Variants in CPNE4 observed in about 807,000 individuals in gnomAD.
The protein encoded by CPNE4 is copine 4, also known as copine-4.
In CPNE4, 25 loss-of-function variants were observed where a neutral mutation model predicts 67.9. The observed-to-expected ratio is 0.37, with a 90% CI of 0.27 to 0.51. The LOEUF is 0.51. Ranked by LOEUF, CPNE4 falls within the 20% of genes least tolerant of loss-of-function variation. The pLI is 0.93. For missense variants in CPNE4, 464 were observed against 690.8 expected, an observed-to-expected ratio of 0.67 and a Z score of 3.68; for synonymous variants, 242 against 244.9, an observed-to-expected ratio of 0.99 and a Z score of 0.11.
chr3:131,979,378 C>T (rs529105722), intron 1 of CPNE4, among the ~76,000 whole-genome samples: 1 of 152,254 alleles, frequency 6.6e-6, no homozygotes, highest in African/African-American at 2.4e-5. Context: ...GTGTTAGGTG[C>T]ATATCTGTTT....
chr3:131,658,553 G>C (rs537322503), intron 7 of CPNE4, among the ~76,000 whole-genome samples: 16 of 152,150 alleles, frequency 1.1e-4, no homozygotes, highest in Non-Finnish European at 1.8e-4. Flanking sequence ...GCTCTTTCTT[G>C]ATATTTGTTT....
chr3:131,851,378 G>A (rs2086236637), intron 2 of CPNE4, among the ~76,000 whole-genome samples: 1 of 151,998 alleles, frequency 6.6e-6, no homozygotes, highest in African/African-American at 2.4e-5. Flanking sequence ...CTTAGCACCA[G>A]CTGTGTAACA....
intron 2 of CPNE4, among the ~76,000 whole-genome samples, chr3:131,801,402 A>ATG (rs71622077): frequency 0.013 from 1,493 of 113,872 alleles, 34 homozygotes; most frequent in East Asian, 0.037. Flanking sequence ...ATATATATAT[A>ATG]GGTACATATA....
At chr3:131,733,711 A>T (rs1410932917) in intron 2 of CPNE4, among the ~76,000 whole-genome samples, 1 of 152,244 alleles carries the variant, frequency 6.6e-6, no homozygotes, top group Non-Finnish European at 1.5e-5. Context: ...TAGGAGTCTA[A>T]TCCCACACAA....
At chr3:131,643,720 A>G (rs7434246) in intron 7 of CPNE4, among the ~76,000 whole-genome samples, 22,627 of 152,020 alleles carry the variant, frequency 0.15, 2,054 homozygotes, top group African/African-American at 0.25. Context: ...CTGGTGGGAG[A>G]TAATTGAATC....
chr3:131,674,106 T>G (rs919674266), intron 6 of CPNE4, among the ~76,000 whole-genome samples: 1 of 152,136 alleles, frequency 6.6e-6, no homozygotes, highest in African/African-American at 2.4e-5. Flanking sequence ...GTTGGTATGA[T>G]GTATCACATT....
chr3:131,696,394 G>T, intron 5 of CPNE4, 148 bp downstream of exon 5: 1 of 655,142 alleles, frequency 1.5e-6, no homozygotes, highest in Non-Finnish European at 2.7e-6. Flanking sequence ...TTAATGTGGG[G>T]GAAAGTTTAC....
intron 2 of CPNE4, among the ~76,000 whole-genome samples, chr3:131,829,999 T>C (rs1318195017): frequency 2.6e-5 from 4 of 152,192 alleles, no homozygotes; most frequent in African/African-American, 9.6e-5. Flanking sequence ...TGGTCATAAT[T>C]CGGATCTACC....
At chr3:131,563,640 T>A (rs557741229) in intron 11 of CPNE4, among the ~76,000 whole-genome samples, 1 of 152,160 alleles carries the variant, frequency 6.6e-6, no homozygotes, top group East Asian at 1.9e-4. Context: ...CCAATAGCTT[T>A]TGAGGTCAGT....
rs189773648 is a variant in CPNE4, at chr3:132,019,831, T to G, written c.-2+14736A>C. 6.2e-3 allele frequency among the ~76,000 whole-genome samples: 948 copies of G among 152,282 alleles called. 8 individuals carry two copies. Among genetic ancestry groups the G allele is most frequent in the African/African-American group, 0.022 (916 of 41,560 alleles). ...GTCTAAAAAGGAACAAAGGCTGCCC[T>G]TCAGCCAAGAGGACCAGATAAAGTC... On this transcript the variant is annotated intron_variant, in intron 1 of 15. Transcript: ENST00000429747.
intron 2 of CPNE4, among the ~76,000 whole-genome samples, chr3:131,882,319 A>G (rs1026985739): frequency 1.3e-5 from 2 of 152,220 alleles, no homozygotes; most frequent in African/African-American, 2.4e-5. Context: ...TACAAATGCA[A>G]TTAGAATCAT....
chr3:131,936,664 TACAG>T (rs1325710253), intron 1 of CPNE4, among the ~76,000 whole-genome samples: 6 of 151,308 alleles, frequency 4.0e-5, no homozygotes, highest in African/African-American at 7.3e-5. Context: ...AAAAAAATCT[TACAG>T]ACAAAGCATA....
chr3:131,616,204 TA>T (rs1940149707), intron 7 of CPNE4, among the ~76,000 whole-genome samples: 1 of 152,068 alleles, frequency 6.6e-6, no homozygotes, highest in African/African-American at 2.4e-5. Flanking sequence ...AGAAAAAGAA[TA>T]AAGCAGTTAG....
chr3:131,546,872 T>C (rs982529345), intron 14 of CPNE4, among the ~76,000 whole-genome samples: 1 of 152,160 alleles, frequency 6.6e-6, no homozygotes, highest in Non-Finnish European at 1.5e-5. Flanking sequence ...AATGGACAAG[T>C]TTCTGACTCT....
intron 1 of CPNE4, among the ~76,000 whole-genome samples, chr3:131,928,836 C>T (rs1035287646): frequency 2.6e-5 from 4 of 152,114 alleles, no homozygotes; most frequent in South Asian, 2.1e-4. Context: ...ACACCTTTGT[C>T]GGGACATGAA....
At chr3:131,946,616 TGA>T (rs2071559602) in intron 1 of CPNE4, among the ~76,000 whole-genome samples, 1 of 152,204 alleles carries the variant, frequency 6.6e-6, no homozygotes, top group African/African-American at 2.4e-5. Context: ...TGTTGAGTTG[TGA>T]GAGTTCTTTA....
intron 2 of CPNE4, among the ~76,000 whole-genome samples, chr3:131,853,730 T>C (rs1197805449): frequency 1.3e-5 from 2 of 151,812 alleles, no homozygotes; most frequent in Non-Finnish European, 2.9e-5. Flanking sequence ...AACTTATGGT[T>C]GAAGATGTGA....
At chr3:131,605,769 T>C (rs1290948084) in intron 7 of CPNE4, among the ~76,000 whole-genome samples, 4 of 151,470 alleles carry the variant, frequency 2.6e-5, no homozygotes, top group Non-Finnish European at 4.4e-5. Context: ...GATGTTGGAG[T>C]TGAGGGAGAA....
At chr3:132,035,600 CTT>C (rs1345337018), upstream of CPNE4, among the ~76,000 whole-genome samples, 5 of 152,130 alleles carry the variant, frequency 3.3e-5, no homozygotes, top group African/African-American at 1.2e-4. Flanking sequence ...AATATGCTGT[CTT>C]ATGTAAGGGG....
Sources: gnomAD v4.1 joint callset for allele counts (sites outside exome capture counted in the v4.1 genomes callset) on GRCh38, gnomAD v4.1.1 for gene constraint, MANE v1.5 for transcripts, NCBI Gene and HGNC (gene_info 2026-07-23, HGNC 2026-07-21) for gene names.